Variants in KLHDC1 observed in about 807,000 individuals in gnomAD.
The protein encoded by KLHDC1 is kelch domain-containing protein 1.
Under a neutral mutation model 68.3 loss-of-function variants are expected in KLHDC1, and 53 were observed. The observed-to-expected ratio is 0.78, with a 90% CI of 0.62 to 0.98. The LOEUF is 0.98. Among genes scored for constraint, KLHDC1 ranks in the 50% least tolerant of loss-of-function variants. The pLI, the probability that KLHDC1 is intolerant of heterozygous loss-of-function variation, is 0.00. For missense variants in KLHDC1, 470 were observed against 492.3 expected, an observed-to-expected ratio of 0.95 and a Z score of 0.43; for synonymous variants, 148 against 159.0, an observed-to-expected ratio of 0.93 and a Z score of 0.52.
chr14:49,715,949 A>G (rs1165752734), intron 4 of KLHDC1, among the ~76,000 whole-genome samples: 2 of 152,042 alleles, frequency 1.3e-5, no homozygotes, highest in African/African-American at 4.8e-5. Context: ...TGTTTCTGAT[A>G]TAAATCTTAC....
chr14:49,742,532 A>G (rs1889088364), intron 11 of KLHDC1, among the ~76,000 whole-genome samples: 1 of 152,034 alleles, frequency 6.6e-6, no homozygotes, highest in Non-Finnish European at 1.5e-5. Context: ...ATTAGCCAGG[A>G]TGTGGTGGTG....
At chr14:49,694,325 A>G (rs1175467553) in intron 1 of KLHDC1, among the ~76,000 whole-genome samples, 1 of 152,118 alleles carries the variant, frequency 6.6e-6, no homozygotes, top group African/African-American at 2.4e-5. Flanking sequence ...TGGAAGTTCT[A>G]CTGATAGTAG....
intron 10 of KLHDC1, among the ~76,000 whole-genome samples, chr14:49,735,631 G>A (rs1888914153): frequency 6.6e-6 from 1 of 151,638 alleles, no homozygotes. Context: ...AATGTAAAGA[G>A]TTTTGTACTG....
chr14:49,697,439 GATATA>G (rs1236162626), intron 1 of KLHDC1, among the ~76,000 whole-genome samples: 1 of 152,118 alleles, frequency 6.6e-6, no homozygotes, highest in African/African-American at 2.4e-5. Flanking sequence ...CACCATAACA[GATATA>G]ATAATAATAA....
At chr14:49,714,427 C>T (rs149567748) in intron 4 of KLHDC1, among the ~76,000 whole-genome samples, 143 of 151,318 alleles carry the variant, frequency 9.5e-4, no homozygotes, top group African/African-American at 3.4e-3. Context: ...GAGCCGAGAT[C>T]GCGCCATTGC....
chr14:49,720,011 G>C (rs1888486107), intron 4 of KLHDC1, among the ~76,000 whole-genome samples: 1 of 146,084 alleles, frequency 6.8e-6, no homozygotes, highest in African/African-American at 2.5e-5. Context: ...TTTTGAGACA[G>C]TGTCTCGCTC....
chr14:49,713,041 C>T (rs1272103360), intron 4 of KLHDC1, among the ~76,000 whole-genome samples: 2 of 151,370 alleles, frequency 1.3e-5, no homozygotes, highest in Non-Finnish European at 2.9e-5. Flanking sequence ...GCTCTGCCTC[C>T]CAGGTTCACG....
intron 1 of KLHDC1, among the ~76,000 whole-genome samples, chr14:49,695,254 C>A (rs1380532997): frequency 6.6e-6 from 1 of 151,970 alleles, no homozygotes; most frequent in Non-Finnish European, 1.5e-5. Context: ...CCATGCCTGG[C>A]TAATTTTTGT....
At chr14:49,731,818 T>TACAGAAGTG (rs1412629150) in intron 8 of KLHDC1, among the ~76,000 whole-genome samples, 1 of 152,156 alleles carries the variant, frequency 6.6e-6, no homozygotes, top group Non-Finnish European at 1.5e-5. Flanking sequence ...GTGCTGGGAT[T>TACAGAAGTG]ACAGAAGTGA....
chr14:49,723,783 G>A (rs1888597463), intron 4 of KLHDC1, 91 bp from the exon 5 acceptor site: 2 of 663,174 alleles, frequency 3.0e-6, no homozygotes. Flanking sequence ...TTTGTGTTTG[G>A]GTTGTTAAGG....
At chr14:49,734,300 A>G (rs1489822186) in intron 9 of KLHDC1, among the ~76,000 whole-genome samples, 1 of 152,154 alleles carries the variant, frequency 6.6e-6, no homozygotes, top group Non-Finnish European at 1.5e-5. Flanking sequence ...TGAAGTATGT[A>G]TGGAGAAAAT....
At position 49,738,345 on chromosome 14, in the gene KLHDC1, T is replaced by G. The variant is rs567193096; in HGVS notation, c.897-1753T>G. Among the ~76,000 whole-genome samples the G allele has an allele frequency of 6.0e-5, 9 of 150,154 alleles. No individual in the cohort carries two copies. The East Asian group carries it at 9.7e-4, about 16-fold the overall frequency. On this transcript the variant is annotated intron_variant, in intron 10 of 12. Transcript: ENST00000359332. ...CTTTTGTTTGGTTGGTTTTTTTGTT[T>G]TTTTTTTTTTTGAGTCAGAGTGTAG...
chr14:49,707,646 C>CTT (rs368932553), intron 1 of KLHDC1: 3,527 of 90,920 alleles, frequency 0.039, 253 homozygotes, highest in African/African-American at 0.13. Context: ...ACACCTGGCC[C>CTT]TTTTTTTTTT....
chr14:49,714,863 AT>A (rs1452164587), intron 4 of KLHDC1, among the ~76,000 whole-genome samples: 2 of 116,232 alleles, frequency 1.7e-5, no homozygotes, highest in African/African-American at 3.1e-5. Flanking sequence ...ATATGTCTTT[AT>A]ATATTATATA....
chr14:49,707,032 G>C (rs906058522), intron 1 of KLHDC1, among the ~76,000 whole-genome samples: 2 of 152,092 alleles, frequency 1.3e-5, no homozygotes, highest in African/African-American at 4.8e-5. Flanking sequence ...CTGTGCCTGT[G>C]GGGTATCATT....
intron 2 of KLHDC1, 23 bp downstream of exon 2, chr14:49,709,252 C>T: frequency 1.0e-6 from 1 of 989,644 alleles, no homozygotes; most frequent in Non-Finnish European, 1.6e-6. Context: ...AAATTGCATA[C>T]TGTCTGATCT....
At chr14:49,738,574 T>A (rs1049822358) in intron 10 of KLHDC1, among the ~76,000 whole-genome samples, 4 of 152,168 alleles carry the variant, frequency 2.6e-5, no homozygotes, top group African/African-American at 9.7e-5. Context: ...AGTCTTGAAC[T>A]CCTGACCTTG....
At chr14:49,712,976 G>T (rs373132748) in intron 4 of KLHDC1, among the ~76,000 whole-genome samples, 1 of 133,180 alleles carries the variant, frequency 7.5e-6, no homozygotes, top group African/African-American at 2.9e-5. Flanking sequence ...TTGAAATGGA[G>T]TCCTGCTCTG....
intron 8 of KLHDC1, among the ~76,000 whole-genome samples, chr14:49,730,685 A>G (rs536865597): frequency 1.0e-3 from 154 of 152,320 alleles, no homozygotes; most frequent in Non-Finnish European, 1.8e-3. Flanking sequence ...AAAGATGTTC[A>G]ACCTAGGCTG....
Sources: gnomAD v4.1 joint callset for allele counts (sites outside exome capture counted in the v4.1 genomes callset) on GRCh38, gnomAD v4.1.1 for gene constraint, MANE v1.5 for transcripts, NCBI Gene and HGNC (gene_info 2026-07-23, HGNC 2026-07-21) for gene names.